The following SNTA1 variants were observed in gnomAD, a reference collection of about 807,000 sequenced individuals.
SNTA1 encodes the protein syntrophin alpha 1.
SNTA1 carries 31 observed loss-of-function variants against 47.1 expected under a neutral mutation model. That is an observed-to-expected ratio of 0.66 (90% CI 0.49 to 0.89). The LOEUF (loss-of-function observed/expected upper bound fraction) is 0.89, where lower values mean the gene tolerates loss of function less well. Among genes scored for constraint, SNTA1 ranks in the 40% least tolerant of loss-of-function variants. The pLI is 0.00. For synonymous variants in SNTA1, 300 were observed against 313.6 expected, an observed-to-expected ratio of 0.96 and a Z score of 0.46; for missense variants, 575 against 693.0, an observed-to-expected ratio of 0.83 and a Z score of 1.91.
In SNTA1 at chr20:33,408,276, G is replaced by A. The variant is rs187657721; in HGVS notation, c.*231C>T. 76 of 584,806 alleles carry A rather than the reference G, an allele frequency of 1.3e-4. No individual in the cohort carries two copies. Among genetic ancestry groups the A allele is most frequent in the Non-Finnish European group, 2.2e-4 (70 of 323,528 alleles). The allele number at this position is 584,806 out of a possible 1,614,324, so 36.2% of individuals were successfully genotyped here. A position where few individuals can be genotyped will look rare whatever the true frequency, so the allele number is the denominator to read the frequency against. On this transcript the variant is annotated 3_prime_UTR_variant, in exon 8 of 8. Transcript: ENST00000217381. ...AAATATCTCTCTGCAAAAGGCACTG[G>A]TGGAGGGGGGCAGCAGGAAGGCCAC...
Position 33,408,159 on chromosome 20 carries a change from G to A in SNTA1, c.*348C>T. On this transcript the variant is annotated 3_prime_UTR_variant, in exon 8 of 8. Coordinates refer to ENST00000217381, the MANE Select transcript of SNTA1 (RefSeq NM_003098.3). ...ATGGGACCTCTGGGGGTGGCTTAGG[G>A]GCCTCGAGGAGGCCCGGCAGCTCAG... 1 of 356,922 alleles carries A rather than the reference G, an allele frequency of 2.8e-6. No homozygotes were observed. The highest frequency in any genetic ancestry group is 2.7e-5 in the South Asian group (1 of 37,594). 22.1% of individuals were successfully genotyped at this position (356,922 alleles called of 1,614,324 possible). A position where few individuals can be genotyped will look rare whatever the true frequency, so the allele number is the denominator to read the frequency against.
In SNTA1 at chr20:33,443,441, C is replaced by A; in HGVS notation, c.180G>T (p.Glu60Asp). The change falls in exon 1 of 8, where the codon GAG becomes GAT. Residue 60 changes from glutamate (E) to aspartate (D), a missense_variant. Coordinates refer to ENST00000217381, the MANE Select transcript of SNTA1 (RefSeq NM_003098.3). ...GPEPGAPREQ[E>D]PAQLNGAAEP... ...CCGCGGCGCCGTTGAGCTGCGCGGGCTCCTGCTCCCGCGGAGCGCCGGGCT... is the reference window on the plus strand; with the variant it reads ...CCGCGGCGCCGTTGAGCTGCGCGGGATCCTGCTCCCGCGGAGCGCCGGGCT... 1.5e-6 allele frequency: 2 copies of A among 1,356,060 alleles called. No homozygotes were observed. Among genetic ancestry groups the A allele is most frequent in the Admixed American group, 3.1e-5 (1 of 32,498 alleles). The allele number at this position is 1,356,060 out of a possible 1,614,324, so 84.0% of individuals were successfully genotyped here. A position where few individuals can be genotyped will look rare whatever the true frequency, so the allele number is the denominator to read the frequency against.
rs1288013630 is a variant in SNTA1 at position 33,443,564 on chromosome 20, C to T, written c.57G>A (p.Ala19=). The part of the protein sequence containing the change: ...RTGLLELRAG[A]GSGAGGERWQ... ...ATCGCTCGCCGCCGGCCCCCGAGCC[C>T]GCCCCGGCGCGCAGCTCCAGCAGCC... The change falls in exon 1 of 8, where the codon GCG becomes GCA. Residue 19 remains alanine (A), a synonymous_variant. Transcript: ENST00000217381. 1.5e-6 allele frequency: 2 copies of T among 1,323,158 alleles called. No individual in the cohort carries two copies. The highest frequency in any genetic ancestry group is 5.5e-5 in the Admixed American group (2 of 36,078). 82.0% of individuals were successfully genotyped at this position (1,323,158 alleles called of 1,614,324 possible).
chr20:33,442,099 C>CT (rs2146812738), intron 1 of SNTA1, among the ~76,000 whole-genome samples: 1 of 152,278 alleles, frequency 6.6e-6, no homozygotes, highest in South Asian at 2.1e-4. Flanking sequence ...TTTTAACTTT[C>CT]TGAGTCTCAG....
At position 33,443,474 on chromosome 20, in the gene SNTA1, A is replaced by G. The variant is rs1265297731; in HGVS notation, c.147T>C (p.Pro49=). 1 of 1,377,678 alleles carries G rather than the reference A, an allele frequency of 7.3e-7. No homozygotes were observed. The highest frequency in any genetic ancestry group is 2.6e-5 in the Admixed American group (1 of 37,988). 85.3% of individuals were successfully genotyped at this position (1,377,678 alleles called of 1,614,324 possible). The part of the protein sequence containing the change: ...VLTVSPADGD[P]GPEPGAPREQ... Reference sequence around the variant, plus strand: ...CCCGCGGAGCGCCGGGCTCGGGACCAGGGTCGCCGTCGGCGGGGCTCACGG... The same window carrying G: ...CCCGCGGAGCGCCGGGCTCGGGACCGGGGTCGCCGTCGGCGGGGCTCACGG... The change falls in exon 1 of 8, where the codon CCT becomes CCC. Residue 49 remains proline, a synonymous_variant. Coordinates refer to ENST00000217381, the MANE Select transcript of SNTA1 (RefSeq NM_003098.3).
At chr20:33,421,333 T>A (rs1990014755) in intron 2 of SNTA1, among the ~76,000 whole-genome samples, 1 of 152,162 alleles carries the variant, frequency 6.6e-6, no homozygotes, top group African/African-American at 2.4e-5. Flanking sequence ...TGAATAGGGC[T>A]GGGCACAGTG....
At chr20:33,440,361 CAGG>C (rs1281932078) in intron 1 of SNTA1, among the ~76,000 whole-genome samples, 2 of 152,056 alleles carry the variant, frequency 1.3e-5, no homozygotes, top group East Asian at 3.9e-4. Context: ...GAGGCTGAGT[CAGG>C]AGAATTGCTT....
At chr20:33,409,189 C>T (rs1302288042) in intron 6 of SNTA1, among the ~76,000 whole-genome samples, 1 of 152,198 alleles carries the variant, frequency 6.6e-6, no homozygotes, top group East Asian at 1.9e-4. Flanking sequence ...AAGCACCGCC[C>T]TTGGAGACCT....
chr20:33,423,736 G>A (rs1434525526), intron 2 of SNTA1, among the ~76,000 whole-genome samples: 1 of 152,216 alleles, frequency 6.6e-6, no homozygotes, highest in Non-Finnish European at 1.5e-5. Flanking sequence ...GCGTTGCTGA[G>A]AGAAGGGAAC....
chr20:33,419,388 A>G (rs1050082170), intron 2 of SNTA1, among the ~76,000 whole-genome samples: 1 of 152,216 alleles, frequency 6.6e-6, no homozygotes, highest in Non-Finnish European at 1.5e-5. Context: ...CTGTCGCAGG[A>G]GATGCCTCTG....
At chr20:33,428,689 C>T (rs1292539789) in intron 2 of SNTA1, among the ~76,000 whole-genome samples, 1 of 152,016 alleles carries the variant, frequency 6.6e-6, no homozygotes, top group Non-Finnish European at 1.5e-5. Context: ...AATCCTCCTA[C>T]CCAGCCTCCT....
chr20:33,420,178 C>G (rs1346038458), intron 2 of SNTA1, among the ~76,000 whole-genome samples: 1 of 152,170 alleles, frequency 6.6e-6, no homozygotes, highest in Non-Finnish European at 1.5e-5. Context: ...CCGGCCTCAG[C>G]CTCCAAAAGT....
rs535914547 is a variant in SNTA1 at position 33,408,863 on chromosome 20, G to A, written c.1263C>T (p.Cys421=). 1.9e-6 allele frequency: 3 copies of A among 1,614,152 alleles called. No individual in the cohort carries two copies. Among genetic ancestry groups the A allele is most frequent in the South Asian group, 1.1e-5 (1 of 91,086 alleles). ...CCTTGTCGATGTGCACAGACAGGCT[G>A]CAGGGACGCCCATTCCACGTGCAGG... ...STACTWNGRP[C]SLSVHIDKGF... is the part of the protein sequence containing the mutation. The change falls in exon 7 of 8, where the codon TGC becomes TGT. Residue 421 remains cysteine, a synonymous_variant. Transcript: ENST00000217381.
intron 2 of SNTA1, among the ~76,000 whole-genome samples, chr20:33,434,983 T>C (rs941854950): frequency 1.1e-4 from 2 of 18,898 alleles, no homozygotes; most frequent in Non-Finnish European, 1.2e-4. Context: ...AGGCACCAGC[T>C]TTTTTTTTTT....
intron 2 of SNTA1, among the ~76,000 whole-genome samples, chr20:33,418,482 T>C (rs1383576028): frequency 6.6e-6 from 1 of 151,962 alleles, no homozygotes; most frequent in Non-Finnish European, 1.5e-5. Context: ...AGACAGTGTA[T>C]ACAAGAAGGT....
intron 3 of SNTA1, among the ~76,000 whole-genome samples, chr20:33,413,626 G>GAA (rs1331758278): frequency 1.5e-4 from 18 of 122,252 alleles, no homozygotes; most frequent in Non-Finnish European, 2.2e-4. Context: ...AAGAGCAGGG[G>GAA]AAAAAAAAAA....
chr20:33,422,877 C>A (rs748983529), intron 2 of SNTA1, among the ~76,000 whole-genome samples: 3 of 152,040 alleles, frequency 2.0e-5, no homozygotes, highest in Non-Finnish European at 2.9e-5. Flanking sequence ...GGAGACAGGC[C>A]CAGCTCAGAG....
rs1989651824 is a variant in SNTA1 at position 33,408,520 on chromosome 20, C to G, written c.1505G>C (p.Gly502Ala). 5.0e-6 allele frequency: 8 copies of G among 1,613,826 alleles called. No homozygotes were observed. Among genetic ancestry groups the G allele is most frequent in the Non-Finnish European group, 5.9e-6 (7 of 1,179,688 alleles). ...ATCCGGCGACTTCTAGGCCAACAGC[C>G]CGAGGCGGGTGACTTTGGCCGACAG... ...SFLSAKVTRLGLLA is the reference protein window; with the variant it reads ...SFLSAKVTRLALLA Residue 502 changes from glycine (G) to alanine (A), a missense_variant, in exon 8 of 8, where the codon GGG becomes GCG. Gly to Ala is a moderately conservative substitution (Grantham distance 60). Coordinates refer to ENST00000217381, the MANE Select transcript of SNTA1 (RefSeq NM_003098.3).
chr20:33,425,254 A>C (rs1186452263), intron 2 of SNTA1, among the ~76,000 whole-genome samples: 1 of 152,092 alleles, frequency 6.6e-6, no homozygotes, highest in Non-Finnish European at 1.5e-5. Context: ...TGGGTGACAG[A>C]ACAAGACCCT....
Sources: allele counts gnomAD v4.1 joint callset (sites outside exome capture counted in the v4.1 genomes callset), GRCh38; gene constraint gnomAD v4.1.1; transcripts MANE v1.5; gene names NCBI Gene and HGNC (gene_info 2026-07-23, HGNC 2026-07-21).